EME2: variants seen among roughly 807,000 people sequenced by gnomAD.
EME2 encodes the protein structure-specific endonuclease subunit EME2.
A neutral mutation model predicts 41.9 loss-of-function variants in EME2; 58 were observed. The ratio of observed to expected loss-of-function variants is 1.38; its 90% CI spans 1.12 to 1.72. The LOEUF is 1.72. Among genes scored for constraint, EME2 ranks in the 40% most tolerant of loss-of-function variants. The pLI is 0.00. For synonymous variants in EME2, 334 were observed against 239.3 expected (o/e 1.40, Z -3.65); for missense variants, 695 against 541.9 (o/e 1.28, Z -2.81).
chr16:1,781,624 C>T lies in EME2; in HGVS notation c.*5386C>T. On this transcript the variant is annotated 3_prime_UTR_variant, in exon 8 of 8. Transcript: ENST00000568449. ...CCGCACCGGTGCCCAGCCAGGGCTC[C>T]AGAACGCTTCAGGAGCCCGTACCTC... 1.0e-6 allele frequency: 1 copy of T among 964,510 alleles called. No individual in the cohort carries two copies. Among genetic ancestry groups the T allele is most frequent in the Non-Finnish European group, 1.5e-6 (1 of 656,400 alleles). 59.7% of individuals were successfully genotyped at this position (964,510 alleles called of 1,614,324 possible).
At chr16:1,774,922 C>T (rs2042686048) in intron 3 of EME2, 119 bp from the exon 4 acceptor site, 6 of 801,694 alleles carry the variant, frequency 7.5e-6, no homozygotes, top group Middle Eastern at 3.0e-4. Flanking sequence ...AGAGGCTCCT[C>T]TCGGCACCAC....
Position 1,775,991 on chromosome 16 carries a change from G to A in EME2, c.969+5G>A, listed in dbSNP as rs1378859859. 12 of 1,607,394 alleles carry A rather than the reference G, an allele frequency of 7.5e-6. No homozygotes were observed. Among genetic ancestry groups the A allele is most frequent in the Admixed American group, 1.7e-5 (1 of 59,890 alleles). ...TCCCCCCGCCTTCTGCAGCAGGTGG[G>A]CCCCTGCCTCCTCCAAGCCCTCCAG... On this transcript the variant is annotated splice_donor_5th_base_variant and intron_variant, in intron 7 of 7. Transcript: ENST00000568449.
At position 1,781,590 on chromosome 16, in the gene EME2, C is replaced by A; in HGVS notation, c.*5352C>A. ...GCCACGGACCCACTCAAAGTGGGGA[C>A]TGCAGGGGCCGCACCGGTGCCCAGC... is the stretch of plus-strand genomic sequence containing the variant. On this transcript the variant is annotated 3_prime_UTR_variant, in exon 8 of 8. Transcript: ENST00000568449. 1 of 1,375,640 alleles carries A rather than the reference C, an allele frequency of 7.3e-7. No individual in the cohort carries two copies. Among genetic ancestry groups the A allele is most frequent in the South Asian group, 1.4e-5 (1 of 72,382 alleles). 85.2% of individuals were successfully genotyped at this position (1,375,640 alleles called of 1,614,324 possible).
In EME2 at chr16:1,773,827, C is replaced by A. The variant is rs573283501; in HGVS notation, c.370C>A (p.Pro124Thr). The change falls in exon 2 of 8, where the codon CCC (proline) becomes ACC (threonine). Residue 124 changes from proline to threonine, a missense_variant. Coordinates refer to ENST00000568449, the MANE Select transcript of EME2 (RefSeq NM_001257370.2). ...SLRWTRASPD[P>T]CPRSLPPEVW... is the part of the protein sequence containing the mutation. ...GCGGTGGACCCGAGCGAGTCCCGAC[C>A]CCTGCCCCCGCAGCGTGAGTGGTCG... The A allele has an allele frequency of 3.5e-4, 537 of 1,549,650 alleles. 9 individuals carry two copies. In the South Asian group the frequency reaches 6.0e-3, roughly 17 times the overall value.
In EME2 at chr16:1,778,659, C is replaced by G; in HGVS notation, c.*2421C>G. 1 of 1,510,904 alleles carries G rather than the reference C, an allele frequency of 6.6e-7. No individual in the cohort carries two copies. Among genetic ancestry groups the G allele is most frequent in the Non-Finnish European group, 8.8e-7 (1 of 1,133,172 alleles). The allele number at this position is 1,510,904 out of a possible 1,614,324, so 93.6% of individuals were successfully genotyped here. On this transcript the variant is annotated 3_prime_UTR_variant, in exon 8 of 8. Coordinates refer to ENST00000568449, the MANE Select transcript of EME2 (RefSeq NM_001257370.2). ...TTACTACCTGTTGCCCGCTCTCTACCCTCTCACCCTTGCCCTCTGTCCCTG... is the reference window on the plus strand; with the variant it reads ...TTACTACCTGTTGCCCGCTCTCTACGCTCTCACCCTTGCCCTCTGTCCCTG...
Position 1,773,047 on chromosome 16 carries a change from G to C in EME2, c.-181G>C. ...AGCTGGGAGTCGCGCGGCCTGTTCA[G>C]TTGCTCCCGCAGGGCGCGCACGCGG... is the stretch of plus-strand genomic sequence containing the variant. On this transcript the variant is annotated 5_prime_UTR_variant, in exon 1 of 8. Coordinates refer to ENST00000568449, the MANE Select transcript of EME2 (RefSeq NM_001257370.2). 7.0e-7 allele frequency: 1 copy of C among 1,426,852 alleles called. No homozygotes were observed. Among genetic ancestry groups the C allele is most frequent in the South Asian group, 1.5e-5 (1 of 66,184 alleles). 88.4% of individuals were successfully genotyped at this position (1,426,852 alleles called of 1,614,324 possible).
At position 1,772,825 on chromosome 16, in the gene EME2, G is replaced by A. The variant is rs753841145; in HGVS notation, c.-403G>A. 150 of 1,444,652 alleles carry A rather than the reference G, an allele frequency of 1.0e-4. No homozygotes were observed. Among genetic ancestry groups the A allele is most frequent in the Non-Finnish European group, 1.2e-4 (137 of 1,103,950 alleles). The allele number at this position is 1,444,652 out of a possible 1,614,324, so 89.5% of individuals were successfully genotyped here. On this transcript the variant is annotated 5_prime_UTR_variant, in exon 1 of 8. Coordinates refer to ENST00000568449, the MANE Select transcript of EME2 (RefSeq NM_001257370.2). ...TGCGCCGTGTAGTCGGGCCGCACCC[G>A]CGTGAGGCGCCAGTAGCACGGCTCG...
Position 1,781,501 on chromosome 16 carries a change from A to G in EME2, c.*5263A>G. On this transcript the variant is annotated 3_prime_UTR_variant, in exon 8 of 8. Transcript: ENST00000568449. ...CTGGCCATGGTGGAAAGAATCTAGA[A>G]GAAAACACAGGCTCTGGGCAAAGGA... 1 of 1,610,506 alleles carries G rather than the reference A, an allele frequency of 6.2e-7. No individual in the cohort carries two copies. The highest frequency in any genetic ancestry group is 8.5e-7 in the Non-Finnish European group (1 of 1,178,890).
rs1411590354 is a variant in EME2, at chr16:1,779,104, G to GC, written c.*2869dup. On this transcript the variant is annotated 3_prime_UTR_variant, in exon 8 of 8. Transcript: ENST00000568449. ...TCACCACAGGGTCCTACTGCCCAGTGCCCACTACAGGCCCCGCCCCTCCTG... is the reference window on the plus strand; with the variant it reads ...TCACCACAGGGTCCTACTGCCCAGTGCCCCACTACAGGCCCCGCCCCTCCTG... 1.3e-5 allele frequency: 2 copies of GC among 155,186 alleles called. No individual in the cohort carries two copies. Among genetic ancestry groups the GC allele is most frequent in the East Asian group, 3.8e-4 (2 of 5,276 alleles). 9.6% of individuals were successfully genotyped at this position (155,186 alleles called of 1,614,324 possible).
chr16:1,780,889 C>T lies in EME2; in HGVS notation c.*4651C>T, dbSNP rs552620733. The T allele has an allele frequency of 9.6e-5, 32 of 334,450 alleles. No individual in the cohort carries two copies. Among genetic ancestry groups the T allele is most frequent in the South Asian group, 2.1e-4 (9 of 42,628 alleles). The allele number at this position is 334,450 out of a possible 1,614,324, so 20.7% of individuals were successfully genotyped here. ...TTGGGACTACAGGCACGTGCCACCA[C>T]GCCTGACACATTTTTTAAATTTTTG... On this transcript the variant is annotated 3_prime_UTR_variant, in exon 8 of 8. Transcript: ENST00000568449.
In EME2 at chr16:1,773,045, C is replaced by T. The variant is rs1332638488; in HGVS notation, c.-183C>T. On this transcript the variant is annotated 5_prime_UTR_variant, in exon 1 of 8. Coordinates refer to ENST00000568449, the MANE Select transcript of EME2 (RefSeq NM_001257370.2). ...AGAGCTGGGAGTCGCGCGGCCTGTT[C>T]AGTTGCTCCCGCAGGGCGCGCACGC... 4.9e-6 allele frequency: 7 copies of T among 1,427,786 alleles called. No individual in the cohort carries two copies. Among genetic ancestry groups the T allele is most frequent in the East Asian group, 2.8e-5 (1 of 35,344 alleles). 88.4% of individuals were successfully genotyped at this position (1,427,786 alleles called of 1,614,324 possible). A position where few individuals can be genotyped will look rare whatever the true frequency, so the allele number is the denominator to read the frequency against.
rs747345641 is a variant in EME2, at chr16:1,779,533, C to T, written c.*3295C>T. Reference sequence around the variant, plus strand: ...GCCAGCTTCAGGGCAGGACACTGTCCTTTCTGGAGGGGATGGCCCCACCCC... The same window carrying T: ...GCCAGCTTCAGGGCAGGACACTGTCTTTTCTGGAGGGGATGGCCCCACCCC... On this transcript the variant is annotated 3_prime_UTR_variant, in exon 8 of 8. Coordinates refer to ENST00000568449, the MANE Select transcript of EME2 (RefSeq NM_001257370.2). 1 of 152,360 alleles carries T rather than the reference C, an allele frequency of 6.6e-6. No homozygotes were observed. Among genetic ancestry groups the T allele is most frequent in the Non-Finnish European group, 1.5e-5 (1 of 68,152 alleles). The allele number at this position is 152,360 out of a possible 1,614,324, so 9.4% of individuals were successfully genotyped here.
chr16:1,773,791 G>T lies in EME2; in HGVS notation c.334G>T (p.Ala112Ser), dbSNP rs1408963552. 12 of 1,554,586 alleles carry T rather than the reference G, an allele frequency of 7.7e-6. No homozygotes were observed. In the South Asian group the frequency reaches 1.1e-4, roughly 14 times the overall value. Residue 112 changes from alanine (A) to serine (S), a missense_variant, in exon 2 of 8, where the codon GCC (alanine) becomes TCC (serine). Physicochemically the swap from Ala to Ser is moderately conservative, Grantham distance 99. Transcript: ENST00000568449. ...CECRIEPQRPARSLRWTRASP... is the reference protein window; with the variant it reads ...CECRIEPQRPSRSLRWTRASP... ...GTGCCGCATCGAGCCCCAGCGCCCG[G>T]CCCGCAGCCTGCGGTGGACCCGAGC... is the stretch of plus-strand genomic sequence containing the variant.
rs779210941 is a variant in EME2 at position 1,777,068 on chromosome 16, C to A, written c.*830C>A. On this transcript the variant is annotated 3_prime_UTR_variant, in exon 8 of 8. Coordinates refer to ENST00000568449, the MANE Select transcript of EME2 (RefSeq NM_001257370.2). ...GACAGAGGAAAGGGGCTGTCCCAGC[C>A]CAAGAAGGCAGTTCCACTGGGAAGT... 12 of 1,601,198 alleles carry A rather than the reference C, an allele frequency of 7.5e-6. No homozygotes were observed. The South Asian group carries it at 1.3e-4, about 18-fold the overall frequency.
chr16:1,775,918 A>C lies in EME2; in HGVS notation c.901A>C (p.Ser301Arg). 6.2e-7 allele frequency: 1 copy of C among 1,612,254 alleles called. No homozygotes were observed. Among genetic ancestry groups the C allele is most frequent in the Non-Finnish European group, 8.5e-7 (1 of 1,179,800 alleles). ...CTGGCGGAGGCAGATCAGGCAGTTCAGTCGGGTCAGCCCAGCCGTGGCTGA... is the reference window on the plus strand; with the variant it reads ...CTGGCGGAGGCAGATCAGGCAGTTCCGTCGGGTCAGCCCAGCCGTGGCTGA... The part of the protein sequence containing the change: ...AAWRRQIRQF[S>R]RVSPAVADAV... Residue 301 changes from serine (S) to arginine (R), a missense_variant, in exon 7 of 8, where the codon AGT (serine) becomes CGT (arginine). By Grantham distance (110) the Ser-to-Arg change is moderately radical. Coordinates refer to ENST00000568449, the MANE Select transcript of EME2 (RefSeq NM_001257370.2).
chr16:1,776,921 G>T lies in EME2; in HGVS notation c.*683G>T. On this transcript the variant is annotated 3_prime_UTR_variant, in exon 8 of 8. Coordinates refer to ENST00000568449, the MANE Select transcript of EME2 (RefSeq NM_001257370.2). ...CCCCACCCAGCACAGCAGCAGAGGG[G>T]CCCTAGAGCCCCCACAGAAAGGACT... 1 of 717,464 alleles carries T rather than the reference G, an allele frequency of 1.4e-6. No individual in the cohort carries two copies. The highest frequency in any genetic ancestry group is 2.2e-6 in the Non-Finnish European group (1 of 445,620). 44.4% of individuals were successfully genotyped at this position (717,464 alleles called of 1,614,324 possible).
chr16:1,776,508 G>T lies in EME2; in HGVS notation c.*270G>T, dbSNP rs1190869466. 2 of 455,356 alleles carry T rather than the reference G, an allele frequency of 4.4e-6. No homozygotes were observed. The highest frequency in any genetic ancestry group is 7.8e-6 in the Non-Finnish European group (2 of 255,602). The allele number at this position is 455,356 out of a possible 1,614,324, so 28.2% of individuals were successfully genotyped here. On this transcript the variant is annotated 3_prime_UTR_variant, in exon 8 of 8. Coordinates refer to ENST00000568449, the MANE Select transcript of EME2 (RefSeq NM_001257370.2). Reference sequence around the variant, plus strand: ...GGGGAGGCCTCAGCAGCAGGGCTGTGCCCCCCCAACACACACACACACTCG... The same window carrying T: ...GGGGAGGCCTCAGCAGCAGGGCTGTTCCCCCCCAACACACACACACACTCG...
Position 1,775,352 on chromosome 16 carries a change from G to A in EME2, c.607G>A (p.Glu203Lys). ...QHVSRGTQQP[E>K]SPKVAGAEVA... ...CGTTTCCCGGGGGACACAGCAGCCA[G>A]AGAGCCCGAAGGTGGCCGGTGCCGA... is the stretch of plus-strand genomic sequence containing the variant. Residue 203 changes from glutamate (E) to lysine (K), a missense_variant, in exon 5 of 8, where the codon GAG becomes AAG. Coordinates refer to ENST00000568449, the MANE Select transcript of EME2 (RefSeq NM_001257370.2). 1 of 1,611,520 alleles carries A rather than the reference G, an allele frequency of 6.2e-7. No individual in the cohort carries two copies. Among genetic ancestry groups the A allele is most frequent in the Non-Finnish European group, 8.5e-7 (1 of 1,179,998 alleles).
Position 1,775,313 on chromosome 16 carries a change from A to G in EME2, c.570-2A>G. 6.2e-7 allele frequency: 1 copy of G among 1,609,704 alleles called. No individual in the cohort carries two copies. Among genetic ancestry groups the G allele is most frequent in the Non-Finnish European group, 8.5e-7 (1 of 1,179,936 alleles). ...CGGGGAGGAATGGTCACCTCTGCTC[A>G]GGTCTCGCCAGCACGTTTCCCGGGG... On this transcript the variant is annotated splice_acceptor_variant, in intron 4 of 7. Transcript: ENST00000568449. LOFTEE classifies it high-confidence loss of function.
Sources: gnomAD v4.1 joint callset for allele counts on GRCh38, gnomAD v4.1.1 for gene constraint, MANE v1.5 for transcripts, NCBI Gene and HGNC (gene_info 2026-07-23, HGNC 2026-07-21) for gene names.